Variants in ANKRD24 observed in about 807,000 individuals in gnomAD.
ANKRD24 encodes ankyrin repeat domain-containing protein 24.
In ANKRD24, 109 loss-of-function variants were observed where a neutral mutation model predicts 127.8. The observed-to-expected ratio is 0.85, with a 90% CI of 0.73 to 1.00. The LOEUF (loss-of-function observed/expected upper bound fraction) is 1.00. Among genes scored for constraint, ANKRD24 ranks in the 50% least tolerant of loss-of-function variants. ANKRD24 has a pLI of 0.00. For missense variants in ANKRD24, 1,648 were observed against 1,570.2 expected (o/e 1.05, Z -0.84); for synonymous variants, 743 against 671.1 (o/e 1.11, Z -1.66).
chr19:4,200,431 G>T (rs1318262336), intron 5 of ANKRD24, among the ~76,000 whole-genome samples: 3 of 152,124 alleles, frequency 2.0e-5, no homozygotes, highest in Non-Finnish European at 4.4e-5. Context: ...TCAGGTATTG[G>T]TTCAGTTGGA....
chr19:4,218,503 T>C (rs1221739676), intron 18 of ANKRD24, among the ~76,000 whole-genome samples: 2 of 151,852 alleles, frequency 1.3e-5, no homozygotes, highest in Non-Finnish European at 2.9e-5. Flanking sequence ...GTTCACCGTG[T>C]TGGCCAGGCT....
chr19:4,207,105 T>TTTTG, intron 7 of ANKRD24, 137 bp from the exon 8 acceptor site: 2 of 457,530 alleles, frequency 4.4e-6, no homozygotes, highest in African/African-American at 3.2e-5. Flanking sequence ...TTTTTTTTTG[T>TTTTG]AGAGACAGGG....
In ANKRD24 at chr19:4,207,162, G is replaced by T. The variant is rs775416034; in HGVS notation, c.467-80G>T. 2.4e-6 allele frequency: 3 copies of T among 1,248,618 alleles called. No homozygotes were observed. The Admixed American group carries it at 5.5e-5, about 23-fold the overall frequency. 77.3% of individuals were successfully genotyped at this position (1,248,618 alleles called of 1,614,324 possible). A position where few individuals can be genotyped will look rare whatever the true frequency, so the allele number is the denominator to read the frequency against. On this transcript the variant is annotated intron_variant, in intron 7 of 21. Coordinates refer to ENST00000318934, the MANE Select transcript of ANKRD24 (RefSeq NM_001393985.1). ...TGGTCTCAAACTCCAGAACTCAAGC[G>T]AACCTCCTGCCTTGGCCTCCCAAGG... is the stretch of plus-strand genomic sequence containing the variant.
intron 2 of ANKRD24, among the ~76,000 whole-genome samples, chr19:4,193,864 G>GAAGGAAGGA (rs1968541942): frequency 7.5e-6 from 1 of 133,132 alleles, no homozygotes; most frequent in African/African-American, 2.9e-5. Flanking sequence ...AGGAAGGAAG[G>GAAGGAAGGA]AAGGAAGGAA....
chr19:4,220,981 C>T (rs1970410481), intron 19 of ANKRD24, among the ~76,000 whole-genome samples: 1 of 151,526 alleles, frequency 6.6e-6, no homozygotes, highest in Non-Finnish European at 1.5e-5. Flanking sequence ...ATTGCAGCTT[C>T]GACCTCCTGG....
At position 4,195,705 on chromosome 19, in the gene ANKRD24, G is replaced by GTTTTGTCAAGA. The variant is rs1968688873; in HGVS notation, c.37-3978_37-3977insTTTTGTCAAGA. 1.3e-5 allele frequency among the ~76,000 whole-genome samples: 2 copies of GTTTTGTCAAGA among 152,178 alleles called. No homozygotes were observed. Among genetic ancestry groups the GTTTTGTCAAGA allele is most frequent in the South Asian group, 4.2e-4 (2 of 4,816 alleles). On this transcript the variant is annotated intron_variant, in intron 2 of 21. Coordinates refer to ENST00000318934, the MANE Select transcript of ANKRD24 (RefSeq NM_001393985.1). The surrounding 1 kb of genome is among the most constrained non-coding windows in gnomAD (Gnocchi z 4.2). ...GAGGTCAGAGTTCAAGACCAGCCTG[G>GTTTTGTCAAGA]CCAACATGACAAAACCCCGTCTCTA... is the stretch of plus-strand genomic sequence containing the variant.
intron 7 of ANKRD24, chr19:4,207,029 G>A: frequency 1.7e-6 from 1 of 584,092 alleles, no homozygotes; most frequent in South Asian, 2.1e-5. Flanking sequence ...CTTCAGCTGG[G>A]GACTCCCTAG....
intron 2 of ANKRD24, among the ~76,000 whole-genome samples, chr19:4,189,770 G>C (rs569466862): frequency 6.6e-6 from 1 of 152,182 alleles, no homozygotes; most frequent in South Asian, 2.1e-4. Context: ...CCTCACCACC[G>C]TGTTATGAGG....
intron 7 of ANKRD24, among the ~76,000 whole-genome samples, chr19:4,205,870 C>T (rs373888188): frequency 1.9e-4 from 29 of 151,386 alleles, no homozygotes; most frequent in African/African-American, 6.1e-4. Flanking sequence ...AGGTCGGGTG[C>T]GGTGGCTCAC....
intron 2 of ANKRD24, among the ~76,000 whole-genome samples, chr19:4,186,883 A>C (rs1183701289): frequency 6.6e-6 from 1 of 152,200 alleles, no homozygotes; most frequent in Non-Finnish European, 1.5e-5. Flanking sequence ...GGCACAGGGG[A>C]ATCAGCCAGG....
intron 21 of ANKRD24, 101 bp from the exon 22 acceptor site, chr19:4,224,327 G>A: frequency 6.9e-7 from 1 of 1,441,342 alleles, no homozygotes; most frequent in Non-Finnish European, 9.6e-7. Flanking sequence ...CCCCCTGTGT[G>A]CATTTCCCTC....
rs1207517572 is a variant in ANKRD24 at position 4,217,231 on chromosome 19, G to C, written c.2071G>C (p.Gly691Arg). 1 of 1,598,810 alleles carries C rather than the reference G, an allele frequency of 6.3e-7. No homozygotes were observed. Among genetic ancestry groups the C allele is most frequent in the Non-Finnish European group, 8.5e-7 (1 of 1,172,476 alleles). ...GGAATCCACAGGAGTCAGTGCCACA[G>C]GTGTGGAGAACCCAGGGGTAGAGGC... ...GMESTGVSAT[G>R]VENPGVEATV... The change falls in exon 18 of 22, where the codon GGT becomes CGT. Residue 691 changes from glycine (G) to arginine (R), a missense_variant. Gly to Arg is a moderately radical substitution (Grantham distance 125, BLOSUM62 -2). Transcript: ENST00000318934.
chr19:4,194,703 A>G (rs1968597940), intron 2 of ANKRD24, among the ~76,000 whole-genome samples: 1 of 152,138 alleles, frequency 6.6e-6, no homozygotes, highest in African/African-American at 2.4e-5. Context: ...GAGAAGGGAC[A>G]AGGGGACAAG....
chr19:4,202,509 G>T (rs1969149370), intron 6 of ANKRD24, among the ~76,000 whole-genome samples: 1 of 152,052 alleles, frequency 6.6e-6, no homozygotes, highest in Admixed American at 6.6e-5. Context: ...GGCGGAGGTT[G>T]CAGTGAGCCG....
At position 4,207,518 on chromosome 19, in the gene ANKRD24, C is replaced by G; in HGVS notation, c.555C>G (p.Leu185=). The change falls in exon 9 of 22, where the codon CTC becomes CTG. Residue 185 remains leucine, a synonymous_variant. Transcript: ENST00000318934. ...CCTACCAGTCAGGCGCAACACCCCT[C>G]ATTATAGCAGCTCAGATGTGTCACA... ...NPQDRSGATP[L]IIAAQMCHTD... is the part of the protein sequence containing the mutation. 6.2e-7 allele frequency: 1 copy of G among 1,613,964 alleles called. No homozygotes were observed. The highest frequency in any genetic ancestry group is 8.5e-7 in the Non-Finnish European group (1 of 1,179,870).
In ANKRD24 at chr19:4,217,326, A is replaced by G. The variant is rs1433652101; in HGVS notation, c.2166A>G (p.Gln722=). 1.0e-5 allele frequency: 16 copies of G among 1,551,772 alleles called. No homozygotes were observed. Among genetic ancestry groups the G allele is most frequent in the East Asian group, 4.9e-5 (2 of 40,944 alleles). ...CCGCAGAGGCCTCGGAAAAGCTTCA[A>G]GTAGAGCTGGAGACCAGGATCCGTG... ...PGAAEASEKL[Q]VELETRIRGL... is the part of the protein sequence containing the mutation. Residue 722 remains glutamine (Q), a synonymous_variant, in exon 18 of 22, where the codon CAA becomes CAG. Coordinates refer to ENST00000318934, the MANE Select transcript of ANKRD24 (RefSeq NM_001393985.1).
chr19:4,212,837 A>G (rs1447033339), intron 15 of ANKRD24, 139 bp downstream of exon 15: 7 of 806,452 alleles, frequency 8.7e-6, no homozygotes, highest in Non-Finnish European at 1.3e-5. Context: ...ATGCACCCAC[A>G]AACCCACAGT....
chr19:4,195,174 G>C lies in ANKRD24; in HGVS notation c.37-4509G>C, dbSNP rs933188977. 6.6e-6 allele frequency among the ~76,000 whole-genome samples: 1 copy of C among 151,562 alleles called. No individual in the cohort carries two copies. The highest frequency in any genetic ancestry group is 1.5e-5 in the Non-Finnish European group (1 of 67,714). Reference sequence around the variant, plus strand: ...TGCAAGCTCCGCCTCCCGGGTGCACGCCATTCTCCTGCCTCAGTCTCCCGA... The same window carrying C: ...TGCAAGCTCCGCCTCCCGGGTGCACCCCATTCTCCTGCCTCAGTCTCCCGA... On this transcript the variant is annotated intron_variant, in intron 2 of 21. Coordinates refer to ENST00000318934, the MANE Select transcript of ANKRD24 (RefSeq NM_001393985.1). This position sits in a 1 kb window ranked among gnomAD's most constrained non-coding sequence, Gnocchi z 4.2.
chr19:4,208,734 A>G (rs1349350843), intron 10 of ANKRD24, 30 bp from the exon 11 acceptor site: 1 of 1,608,486 alleles, frequency 6.2e-7, no homozygotes, highest in Non-Finnish European at 8.5e-7. Flanking sequence ...TGGGAACAGA[A>G]TGCCTGACCC....
Sources: gnomAD v4.1 joint callset for allele counts (sites outside exome capture counted in the v4.1 genomes callset) on GRCh38, gnomAD v4.1.1 for gene constraint, Gnocchi (gnomAD v3.1) non-coding constraint, MANE v1.5 for transcripts, NCBI Gene and HGNC (gene_info 2026-07-23, HGNC 2026-07-21) for gene names.